AFG2A: variants seen among roughly 807,000 people sequenced by gnomAD.
The protein encoded by AFG2A is AAA ATPase AFG2A.
chr4:123,262,688 G>A, the AFG2A span, among the ~76,000 whole-genome samples: 2 of 152,144 alleles, frequency 1.3e-5, no homozygotes, highest in African/African-American at 2.4e-5. Flanking sequence ...CTCCAAAAAA[G>A]TATAAGCTAC....
At chr4:123,185,246 T>C in the AFG2A span, among the ~76,000 whole-genome samples, 1 of 152,136 alleles carries the variant, frequency 6.6e-6, no homozygotes, top group Non-Finnish European at 1.5e-5. Context: ...TCGTTTAATT[T>C]TTATTCTATC....
At chr4:123,250,113 G>A in the AFG2A span, among the ~76,000 whole-genome samples, 1 of 152,086 alleles carries the variant, frequency 6.6e-6, no homozygotes, top group Admixed American at 6.6e-5. Context: ...ATTTTTCAAG[G>A]TGTCTATTTT....
chr4:123,105,481 T>C, the AFG2A span, among the ~76,000 whole-genome samples: 1,180 of 152,318 alleles, frequency 7.7e-3, 18 homozygotes, highest in African/African-American at 0.027. Context: ...TCAAGTCTTA[T>C]GATATAAGAA....
At chr4:123,035,158 A>G in the AFG2A span, among the ~76,000 whole-genome samples, 21 of 152,284 alleles carry the variant, frequency 1.4e-4, no homozygotes, top group African/African-American at 4.8e-4. Context: ...CCAGACCCCA[A>G]CACTATAAAG....
chr4:123,025,507 TTA>T, the AFG2A span, among the ~76,000 whole-genome samples: 2 of 152,238 alleles, frequency 1.3e-5, no homozygotes, highest in African/African-American at 4.8e-5. Context: ...CCGCTCCATC[TTA>T]TAGTTTATGA....
the AFG2A span, among the ~76,000 whole-genome samples, chr4:123,207,363 G>C: frequency 6.7e-6 from 1 of 149,256 alleles, no homozygotes; most frequent in Admixed American, 6.8e-5. Flanking sequence ...CAAGGCTGGA[G>C]TGTAGTGGCG....
chr4:122,997,766 T>C, the AFG2A span, among the ~76,000 whole-genome samples: 1 of 152,214 alleles, frequency 6.6e-6, no homozygotes, highest in African/African-American at 2.4e-5. Context: ...CAGTAATATA[T>C]ACAGAGTTCC....
the AFG2A span, among the ~76,000 whole-genome samples, chr4:123,045,890 GT>G: frequency 2.6e-5 from 4 of 152,058 alleles, no homozygotes; most frequent in African/African-American, 9.7e-5. Flanking sequence ...GAGGTCAGGA[GT>G]TTGAGACCAG....
chr4:123,038,893 G>A, the AFG2A span, among the ~76,000 whole-genome samples: 2 of 152,066 alleles, frequency 1.3e-5, no homozygotes, highest in Non-Finnish European at 2.9e-5. Flanking sequence ...TTCTGTGGCA[G>A]TGGAGTGACC....
chr4:122,980,018 A>G, the AFG2A span, among the ~76,000 whole-genome samples: 1 of 152,196 alleles, frequency 6.6e-6, no homozygotes, highest in Non-Finnish European at 1.5e-5. Flanking sequence ...GTATGTGTTT[A>G]TTTAGTTTTA....
At chr4:122,983,267 A>T in the AFG2A span, among the ~76,000 whole-genome samples, 3 of 152,014 alleles carry the variant, frequency 2.0e-5, no homozygotes, top group Non-Finnish European at 2.9e-5. Flanking sequence ...TTATATTCTT[A>T]CATTGATCTT....
the AFG2A span, among the ~76,000 whole-genome samples, chr4:122,992,709 A>G: frequency 1.3e-5 from 2 of 152,236 alleles, no homozygotes; most frequent in South Asian, 2.1e-4. Context: ...AAATATTGCC[A>G]GTGAAAATAT....
the AFG2A span, among the ~76,000 whole-genome samples, chr4:123,251,310 A>G: frequency 1.2e-4 from 19 of 152,294 alleles, no homozygotes; most frequent in African/African-American, 4.6e-4. Flanking sequence ...AAGTAAATCA[A>G]TCTGGCATAT....
the AFG2A span, among the ~76,000 whole-genome samples, chr4:123,156,206 T>C: frequency 6.6e-6 from 1 of 152,156 alleles, no homozygotes; most frequent in Non-Finnish European, 1.5e-5. Flanking sequence ...CTCTTCATCA[T>C]AGTTCCTTCA....
the AFG2A span, among the ~76,000 whole-genome samples, chr4:122,998,861 G>C: frequency 6.6e-6 from 1 of 152,194 alleles, no homozygotes; most frequent in Middle Eastern, 3.2e-3. Flanking sequence ...GGTATTTCTA[G>C]TTCTAGATCC....
the AFG2A span, among the ~76,000 whole-genome samples, chr4:123,000,422 T>C: frequency 6.6e-6 from 1 of 152,056 alleles, no homozygotes; most frequent in Non-Finnish European, 1.5e-5. Context: ...GTCCATTCAG[T>C]ATGATACTGG....
the AFG2A span, among the ~76,000 whole-genome samples, chr4:123,113,825 T>C: frequency 1.3e-5 from 2 of 152,102 alleles, no homozygotes; most frequent in Admixed American, 6.5e-5. Flanking sequence ...AGGAGCTTTA[T>C]TGAGTTAGAA....
chr4:123,048,762 T>C, the AFG2A span, among the ~76,000 whole-genome samples: 1 of 152,164 alleles, frequency 6.6e-6, no homozygotes, highest in Non-Finnish European at 1.5e-5. Flanking sequence ...TAAGAGTCTT[T>C]TGGTGGAGTC....
At chr4:123,139,466 A>G in the AFG2A span, among the ~76,000 whole-genome samples, 1 of 151,998 alleles carries the variant, frequency 6.6e-6, no homozygotes, top group Admixed American at 6.6e-5. Context: ...ATCAGCACCA[A>G]TATTTGAAGA....
Sources: allele counts gnomAD v4.1 joint callset (sites outside exome capture counted in the v4.1 genomes callset), GRCh38; gene constraint gnomAD v4.1.1; transcripts MANE v1.5; gene names NCBI Gene and HGNC (gene_info 2026-07-23, HGNC 2026-07-21).